NR6A1: variants seen among roughly 807,000 people sequenced by gnomAD.
NR6A1 encodes retinoic acid receptor-related testis-associated receptor.
NR6A1 carries 7 observed loss-of-function variants against 59.1 expected under a neutral mutation model. The ratio of observed to expected loss-of-function variants is 0.12; its 90% CI spans 0.07 to 0.22. The LOEUF is 0.22. Ranked by LOEUF, NR6A1 falls within the 10% of genes least tolerant of loss-of-function variation. The pLI is 1.00. For synonymous variants in NR6A1, 243 were observed against 236.1 expected (o/e 1.03, Z -0.27); for missense variants, 468 against 611.6 (o/e 0.77, Z 2.48).
Position 124,604,751 on chromosome 9 carries a change from T to C in NR6A1, c.143-50181A>G, listed in dbSNP as rs148847282. Reference sequence around the variant, plus strand: ...CTTCTTGAGCCCCGGGAGGCAGAGGTTGCAGTGAGCAGAGATCGTGTCACT... The same window carrying C: ...CTTCTTGAGCCCCGGGAGGCAGAGGCTGCAGTGAGCAGAGATCGTGTCACT... On this transcript the variant is annotated intron_variant, in intron 2 of 9. Transcript: ENST00000487099. Among the ~76,000 whole-genome samples, 932 of 152,048 alleles carry C rather than the reference T, an allele frequency of 6.1e-3. 8 individuals are homozygous for C. Among genetic ancestry groups the C allele is most frequent in the African/African-American group, 0.021 (874 of 41,466 alleles).
intron 2 of NR6A1, among the ~76,000 whole-genome samples, chr9:124,570,094 GT>G (rs1834393912): frequency 6.6e-6 from 1 of 152,190 alleles, no homozygotes; most frequent in African/African-American, 2.4e-5. Flanking sequence ...CAGATAAAAT[GT>G]TACCTATCTC....
intron 2 of NR6A1, among the ~76,000 whole-genome samples, chr9:124,636,983 A>G (rs1238315533): frequency 6.6e-6 from 1 of 152,202 alleles, no homozygotes; most frequent in Non-Finnish European, 1.5e-5. Context: ...TAGAATCTGG[A>G]GGGAGACAGA....
chr9:124,705,871 G>A (rs1304191492), intron 2 of NR6A1, among the ~76,000 whole-genome samples: 1 of 151,356 alleles, frequency 6.6e-6, no homozygotes, highest in Non-Finnish European at 1.5e-5. Flanking sequence ...TGCCTCCCAA[G>A]TTCAAGTGAT....
Position 124,538,186 on chromosome 9 carries a change from G to A in NR6A1, c.730C>T (p.Arg244Cys), listed in dbSNP as rs773969870. ...GHSPLLPQQA[R>C]SLDPQSYSLI... ...CTGTATGACTGGGGATCCAGGCTGC[G>A]AGCTTGTTGGGGCAGAAGTGGTGAG... The change falls in exon 6 of 10, where the codon CGC becomes TGC. Residue 244 changes from arginine (R) to cysteine (C), a missense_variant. Physicochemically the swap from Arg to Cys is radical, Grantham distance 180 (BLOSUM62 -3). This residue lies in a region of NR6A1 where 151 missense variants were observed against 142.8 expected (regional missense o/e 1.06). Coordinates refer to ENST00000487099, the MANE Select transcript of NR6A1 (RefSeq NM_033334.4). The A allele has an allele frequency of 5.0e-6, 8 of 1,614,076 alleles. No homozygotes were observed. Among genetic ancestry groups the A allele is most frequent in the African/African-American group, 2.7e-5 (2 of 74,922 alleles).
At chr9:124,561,413 A>G (rs1230826078) in intron 2 of NR6A1, among the ~76,000 whole-genome samples, 1 of 151,730 alleles carries the variant, frequency 6.6e-6, no homozygotes, top group Admixed American at 6.6e-5. Flanking sequence ...ACTCCAGCCT[A>G]CGGGGCGGCG....
intron 2 of NR6A1, among the ~76,000 whole-genome samples, chr9:124,687,291 A>ATTAATTATTTATTTATTTAT (rs59770058): frequency 0.017 from 2,467 of 142,126 alleles, 77 homozygotes; most frequent in African/African-American, 0.059. Context: ...CAGCTAATTA[A>ATTAATTATTTATTTATTTAT]TTATTTATTT....
intron 2 of NR6A1, among the ~76,000 whole-genome samples, chr9:124,585,146 T>C (rs1350699903): frequency 6.6e-6 from 1 of 152,176 alleles, no homozygotes; most frequent in Non-Finnish European, 1.5e-5. Context: ...TCTTCAATTC[T>C]ATGATGGTTG....
intron 2 of NR6A1, among the ~76,000 whole-genome samples, chr9:124,723,319 C>A (rs1013104731): frequency 2.6e-5 from 4 of 152,138 alleles, no homozygotes; most frequent in African/African-American, 9.7e-5. Context: ...CATGTTCAGT[C>A]TCCTAAGAGG....
Position 124,752,896 on chromosome 9 carries a change from G to A in NR6A1, c.100+18124C>T, listed in dbSNP as rs570489702. Among the ~76,000 whole-genome samples, 7 of 152,132 alleles carry A rather than the reference G, an allele frequency of 4.6e-5. No individual in the cohort carries two copies. The South Asian group carries it at 1.5e-3, about 32-fold the overall frequency. On this transcript the variant is annotated intron_variant, in intron 1 of 9. Coordinates refer to ENST00000487099, the MANE Select transcript of NR6A1 (RefSeq NM_033334.4). ...TTAGCTGAATTCTCTTAGAGGATGA[G>A]GAAGAAAAGAGGAGAGGCAGGGACA... is the stretch of plus-strand genomic sequence containing the variant.
At position 124,767,150 on chromosome 9, in the gene NR6A1, G is replaced by GA. The variant is rs377767320; in HGVS notation, c.100+3869dup. Among the ~76,000 whole-genome samples, 704 of 152,228 alleles carry GA rather than the reference G, an allele frequency of 4.6e-3. 6 individuals are homozygous for GA. The highest frequency in any genetic ancestry group is 0.016 in the African/African-American group (658 of 41,538). Reference sequence around the variant, plus strand: ...CCCAAAACCCTAGGAAAAAAGTAGGGAATGAGAAACCAGAAAATTCTAAAT... The same window carrying GA: ...CCCAAAACCCTAGGAAAAAAGTAGGGAAATGAGAAACCAGAAAATTCTAAAT... On this transcript the variant is annotated intron_variant, in intron 1 of 9. Coordinates refer to ENST00000487099, the MANE Select transcript of NR6A1 (RefSeq NM_033334.4).
At chr9:124,590,019 C>T (rs925017471) in intron 2 of NR6A1, among the ~76,000 whole-genome samples, 8 of 128,976 alleles carry the variant, frequency 6.2e-5, no homozygotes, top group African/African-American at 2.0e-4. Context: ...GAGCCGAGAT[C>T]GCACCACTGT....
In NR6A1 at chr9:124,645,148, A is replaced by G. The variant is rs373863861; in HGVS notation, c.142+88160T>C. 2.6e-5 allele frequency among the ~76,000 whole-genome samples: 4 copies of G among 152,374 alleles called. No individual in the cohort carries two copies. In the South Asian group the frequency reaches 6.2e-4, roughly 24 times the overall value. On this transcript the variant is annotated intron_variant, in intron 2 of 9. Coordinates refer to ENST00000487099, the MANE Select transcript of NR6A1 (RefSeq NM_033334.4). ...TTAAAAGTACAATTGTTATACTAAG[A>G]AATGAGAGAAAATGGAAACACATAA... is the stretch of plus-strand genomic sequence containing the variant.
intron 6 of NR6A1, 103 bp from the exon 7 acceptor site, chr9:124,536,235 G>GGGCT (rs1287618817): frequency 7.5e-7 from 1 of 1,327,956 alleles, no homozygotes; most frequent in African/African-American, 1.5e-5. Context: ...CCCTGGCAAT[G>GGGCT]GGCTCCTTGC....
intron 7 of NR6A1, among the ~76,000 whole-genome samples, chr9:124,532,539 G>C (rs1833131478): frequency 6.6e-6 from 1 of 152,180 alleles, no homozygotes. Context: ...CATCACCTGT[G>C]ATCCCAGCTT....
intron 2 of NR6A1, among the ~76,000 whole-genome samples, chr9:124,652,861 C>G (rs905633710): frequency 1.1e-4 from 16 of 152,180 alleles, no homozygotes; most frequent in African/African-American, 3.9e-4. Context: ...TCTGTCCATT[C>G]CCAGCATAAC....
chr9:124,699,631 G>A (rs1226021951), intron 2 of NR6A1, among the ~76,000 whole-genome samples: 1 of 152,134 alleles, frequency 6.6e-6, no homozygotes, highest in African/African-American at 2.4e-5. Flanking sequence ...AAACAGCTTT[G>A]TTTAGGTATA....
At chr9:124,682,028 CTT>C (rs1381207539) in intron 2 of NR6A1, among the ~76,000 whole-genome samples, 1 of 151,768 alleles carries the variant, frequency 6.6e-6, no homozygotes, top group Non-Finnish European at 1.5e-5. Context: ...GAGTTTTGCT[CTT>C]GTTGCCCAGG....
rs1250635712 is a variant in NR6A1 at position 124,771,167 on chromosome 9, G to A, written c.-48C>T. ...CCGGGTTTGTTGCTCCGCCATGACCGGCGCCCTAGTCGCCGTGGTCGTCGT... is the reference window on the plus strand; with the variant it reads ...CCGGGTTTGTTGCTCCGCCATGACCAGCGCCCTAGTCGCCGTGGTCGTCGT... On this transcript the variant is annotated 5_prime_UTR_variant, in exon 1 of 10. Transcript: ENST00000487099. 1.9e-6 allele frequency: 2 copies of A among 1,071,372 alleles called. No homozygotes were observed. Among genetic ancestry groups the A allele is most frequent in the African/African-American group, 1.6e-5 (1 of 61,260 alleles). The allele number at this position is 1,071,372 out of a possible 1,614,324, so 66.4% of individuals were successfully genotyped here.
intron 2 of NR6A1, among the ~76,000 whole-genome samples, chr9:124,672,092 T>C (rs1428332509): frequency 6.6e-6 from 1 of 152,208 alleles, no homozygotes; most frequent in Non-Finnish European, 1.5e-5. Context: ...TTCCTCAACA[T>C]CCTGTCTGGG....
Sources: allele counts gnomAD v4.1 joint callset (sites outside exome capture counted in the v4.1 genomes callset), GRCh38; gene constraint gnomAD v4.1.1; regional missense constraint gnomAD v4.1.1; transcripts MANE v1.5; gene names NCBI Gene and HGNC (gene_info 2026-07-23, HGNC 2026-07-21).